The following ANKRD55 variants were observed in gnomAD, a reference collection of about 807,000 sequenced individuals.
The protein encoded by ANKRD55 is ankyrin repeat domain 55.
In ANKRD55, 41 loss-of-function variants were observed where a neutral mutation model predicts 60.6. The ratio of observed to expected loss-of-function variants is 0.68; its 90% CI spans 0.53 to 0.88. The LOEUF (loss-of-function observed/expected upper bound fraction) is 0.88. Ranked by LOEUF, ANKRD55 falls within the 40% of genes least tolerant of loss-of-function variation. The pLI is 0.00. For missense variants in ANKRD55, 732 were observed against 767.6 expected (o/e 0.95, Z 0.55); for synonymous variants, 264 against 290.3 (o/e 0.91, Z 0.92).
At chr5:56,198,005 CT>C (rs1290181291) in intron 2 of ANKRD55, among the ~76,000 whole-genome samples, 1 of 152,162 alleles carries the variant, frequency 6.6e-6, no homozygotes, top group Non-Finnish European at 1.5e-5. Flanking sequence ...GTTCATTAGA[CT>C]ATTATTCTTT....
At chr5:56,205,578 C>T (rs922307569) in intron 2 of ANKRD55, among the ~76,000 whole-genome samples, 1 of 152,182 alleles carries the variant, frequency 6.6e-6, no homozygotes, top group African/African-American at 2.4e-5. Flanking sequence ...GAAGGTTGAT[C>T]TCTAAGTTTC....
intron 2 of ANKRD55, among the ~76,000 whole-genome samples, chr5:56,217,690 T>A (rs1444664756): frequency 6.6e-6 from 1 of 152,034 alleles, no homozygotes; most frequent in Non-Finnish European, 1.5e-5. Flanking sequence ...GTCAGGAGAT[T>A]GAGACCGTCC....
intron 3 of ANKRD55, among the ~76,000 whole-genome samples, chr5:56,179,568 G>A (rs549481322): frequency 6.6e-6 from 1 of 152,280 alleles, no homozygotes; most frequent in Admixed American, 6.5e-5. Context: ...AACTTGGTTA[G>A]GTAAGGTGTG....
chr5:56,217,666 G>A (rs1170068832), intron 2 of ANKRD55, among the ~76,000 whole-genome samples: 2 of 152,100 alleles, frequency 1.3e-5, no homozygotes, highest in East Asian at 1.9e-4. Flanking sequence ...AGGCCAAGGC[G>A]GGTGTATCAT....
intron 7 of ANKRD55, among the ~76,000 whole-genome samples, chr5:56,129,473 TA>T (rs1226001642): frequency 6.6e-6 from 1 of 152,198 alleles, no homozygotes; most frequent in East Asian, 1.9e-4. Flanking sequence ...AACTGAGTCC[TA>T]GTCGTTTTCT....
Position 56,233,236 on chromosome 5 carries a change from C to A in ANKRD55, c.-34+5G>T. 3.2e-6 allele frequency: 1 copy of A among 311,010 alleles called. No homozygotes were observed. Among genetic ancestry groups the A allele is most frequent in the Non-Finnish European group, 6.0e-6 (1 of 166,012 alleles). The allele number at this position is 311,010 out of a possible 1,614,324, so 19.3% of individuals were successfully genotyped here. ...AAAGATAGTAAAATTGTATGGGCCA[C>A]CTGCCTTGGATCTGGGCTGGAAAAA... On this transcript the variant is annotated splice_donor_5th_base_variant and intron_variant, in intron 1 of 11. Coordinates refer to ENST00000341048, the MANE Select transcript of ANKRD55 (RefSeq NM_024669.3).
intron 7 of ANKRD55, among the ~76,000 whole-genome samples, chr5:56,130,903 TGAG>T (rs1757391530): frequency 6.6e-6 from 1 of 152,088 alleles, no homozygotes; most frequent in Non-Finnish European, 1.5e-5. Context: ...TCTCTGCGCT[TGAG>T]AAGATCTCAA....
intron 2 of ANKRD55, among the ~76,000 whole-genome samples, chr5:56,228,998 T>C (rs1760182539): frequency 6.6e-6 from 1 of 151,842 alleles, no homozygotes; most frequent in Admixed American, 6.6e-5. Context: ...TCAGAGACCC[T>C]GGCACGGCCA....
chr5:56,199,059 G>A (rs1206226724), intron 2 of ANKRD55, among the ~76,000 whole-genome samples: 1 of 149,222 alleles, frequency 6.7e-6, no homozygotes, highest in Non-Finnish European at 1.5e-5. Flanking sequence ...CAGCCTGGAC[G>A]ACAGAGTGAG....
At chr5:56,216,895 C>G (rs1339200500) in intron 2 of ANKRD55, among the ~76,000 whole-genome samples, 2 of 152,236 alleles carry the variant, frequency 1.3e-5, no homozygotes, top group Non-Finnish European at 2.9e-5. Context: ...TCCAGCAGAT[C>G]TAGCTAAGGT....
intron 6 of ANKRD55, among the ~76,000 whole-genome samples, chr5:56,156,283 C>T (rs755445528): frequency 4.6e-5 from 7 of 152,206 alleles, no homozygotes; most frequent in East Asian, 1.9e-4. Context: ...TAAAACCCAA[C>T]GGGTCCATAT....
chr5:56,164,358 G>A (rs1046279154), intron 5 of ANKRD55, among the ~76,000 whole-genome samples: 2 of 152,088 alleles, frequency 1.3e-5, no homozygotes, highest in Admixed American at 1.3e-4. Flanking sequence ...TCCCCTTCCT[G>A]TCCCTGGAGC....
intron 2 of ANKRD55, among the ~76,000 whole-genome samples, chr5:56,197,377 C>G (rs548607370): frequency 2.6e-5 from 4 of 152,048 alleles, no homozygotes; most frequent in Non-Finnish European, 4.4e-5. Context: ...TCAGTGTCAT[C>G]AAAAAGGTCT....
At chr5:56,127,266 CTCTA>C (rs3217552) in intron 7 of ANKRD55, 160 bp from the exon 8 acceptor site, 77,774 of 984,864 alleles carry the variant, frequency 0.079, 3,510 homozygotes, top group East Asian at 0.25. Context: ...TAAAAATACA[CTCTA>C]TCTAAGCTCT....
intron 2 of ANKRD55, among the ~76,000 whole-genome samples, chr5:56,189,039 T>G (rs534647428): frequency 6.6e-6 from 1 of 152,248 alleles, no homozygotes; most frequent in Admixed American, 6.5e-5. Context: ...GTATAGTGGC[T>G]GGAGAACATT....
At chr5:56,177,018 A>G (rs1353298391) in intron 3 of ANKRD55, among the ~76,000 whole-genome samples, 1 of 152,132 alleles carries the variant, frequency 6.6e-6, no homozygotes, top group Non-Finnish European at 1.5e-5. Context: ...CTCCAGATGA[A>G]CTGCAAGCTA....
chr5:56,225,001 G>C (rs1157629170), intron 2 of ANKRD55, among the ~76,000 whole-genome samples: 1 of 152,156 alleles, frequency 6.6e-6, no homozygotes, highest in Admixed American at 6.5e-5. Flanking sequence ...GCATCAACCT[G>C]ATACCAAAGC....
chr5:56,118,630 T>TAAATAAAATAAAATA lies in ANKRD55; in HGVS notation c.798-1863_798-1849dup, dbSNP rs145664184. On this transcript the variant is annotated intron_variant, in intron 8 of 11. Coordinates refer to ENST00000341048, the MANE Select transcript of ANKRD55 (RefSeq NM_024669.3). ...CAGAGCGAGACTCCATCTCAAAAAATAAATAAAATAAAATAAAATAAAATA... is the reference window on the plus strand; with the variant it reads ...CAGAGCGAGACTCCATCTCAAAAAATAAATAAAATAAAATAAAATAAAATAAAATAAAATAAAATA... 4.7e-3 allele frequency among the ~76,000 whole-genome samples: 707 copies of TAAATAAAATAAAATA among 149,262 alleles called. 7 individuals carry two copies. Among genetic ancestry groups the TAAATAAAATAAAATA allele is most frequent in the African/African-American group, 0.016 (665 of 40,556 alleles).
chr5:56,101,098 CAG>C (rs1756257787), intron 11 of ANKRD55, among the ~76,000 whole-genome samples: 1 of 152,164 alleles, frequency 6.6e-6, no homozygotes, highest in Admixed American at 6.5e-5. Context: ...TGCCAAAAGA[CAG>C]AGTTGTACTA....
Sources: allele counts gnomAD v4.1 joint callset (sites outside exome capture counted in the v4.1 genomes callset), GRCh38; gene constraint gnomAD v4.1.1; transcripts MANE v1.5; gene names NCBI Gene and HGNC (gene_info 2026-07-23, HGNC 2026-07-21).